Variants in ZNF385D observed in about 807,000 individuals in gnomAD.
The protein encoded by ZNF385D is zinc finger protein 659.
In ZNF385D, 15 loss-of-function variants were observed where a neutral mutation model predicts 35.8. The ratio of observed to expected loss-of-function variants is 0.42; its 90% CI spans 0.28 to 0.64. The LOEUF (loss-of-function observed/expected upper bound fraction) is 0.64. ZNF385D is among the 30% of genes least tolerant of loss of function. ZNF385D has a pLI of 0.23. For missense variants in ZNF385D, 474 were observed against 494.6 expected (o/e 0.96, Z 0.39); for synonymous variants, 212 against 186.8 (o/e 1.13, Z -1.10).
chr3:22,337,303 G>T (rs561857815), intron 2 of ZNF385D, among the ~76,000 whole-genome samples: 3 of 152,116 alleles, frequency 2.0e-5, no homozygotes, highest in Non-Finnish European at 4.4e-5. Flanking sequence ...AGGTCGAGGT[G>T]GGGGCAGCTC....
intron 3 of ZNF385D, among the ~76,000 whole-genome samples, chr3:22,060,428 T>C (rs779163): frequency 0.42 from 63,345 of 152,022 alleles, 13,376 homozygotes; most frequent in African/African-American, 0.48. Flanking sequence ...TTTCCATAAT[T>C]AAATGAATAA....
chr3:21,790,962 C>G, intron 3 of ZNF385D, among the ~76,000 whole-genome samples: 1 of 151,822 alleles, frequency 6.6e-6, no homozygotes, highest in East Asian at 1.9e-4. Flanking sequence ...GGTAAGGAAA[C>G]AAAAAAACAG....
chr3:21,566,880 C>A (rs1270744577), intron 2 of ZNF385D, among the ~76,000 whole-genome samples: 6 of 152,134 alleles, frequency 3.9e-5, no homozygotes, highest in African/African-American at 1.4e-4. Context: ...AACCACTGGC[C>A]TGCTTTCTAT....
At chr3:21,733,888 C>T (rs1327250218) in intron 1 of ZNF385D, among the ~76,000 whole-genome samples, 5 of 152,096 alleles carry the variant, frequency 3.3e-5, no homozygotes, top group Non-Finnish European at 7.4e-5. Context: ...TAGCCTAAAT[C>T]CCCATATATA....
chr3:22,084,578 G>T (rs146355992), intron 3 of ZNF385D, among the ~76,000 whole-genome samples: 119 of 152,260 alleles, frequency 7.8e-4, no homozygotes, highest in African/African-American at 2.8e-3. Context: ...ATTCATAAAA[G>T]CAAGTCCCTA....
At chr3:22,194,902 G>A (rs915418022) in intron 2 of ZNF385D, among the ~76,000 whole-genome samples, 10 of 151,836 alleles carry the variant, frequency 6.6e-5, no homozygotes, top group Admixed American at 2.0e-4. Flanking sequence ...CCCCTTGAAG[G>A]ACACTAGCGT....
intron 2 of ZNF385D, among the ~76,000 whole-genome samples, chr3:21,610,593 A>T (rs1216943290): frequency 6.6e-6 from 1 of 151,762 alleles, no homozygotes; most frequent in African/African-American, 2.4e-5. Context: ...ACACGGTGAA[A>T]CCCCATCTCT....
intron 2 of ZNF385D, among the ~76,000 whole-genome samples, chr3:21,578,206 C>T (rs771177591): frequency 6.6e-6 from 1 of 152,038 alleles, no homozygotes. Context: ...TCTTTGAATT[C>T]TTTGTATATT....
At chr3:22,328,002 C>T (rs780668657) in intron 2 of ZNF385D, among the ~76,000 whole-genome samples, 3 of 152,146 alleles carry the variant, frequency 2.0e-5, no homozygotes, top group Non-Finnish European at 4.4e-5. Context: ...TCTAAATATA[C>T]ACATTATTTT....
chr3:21,584,117 G>GCA (rs1156481589), intron 2 of ZNF385D, among the ~76,000 whole-genome samples: 2 of 151,922 alleles, frequency 1.3e-5, no homozygotes, highest in Non-Finnish European at 2.9e-5. Context: ...GGGATTTCAA[G>GCA]CACACACCAC....
chr3:21,731,777 G>C (rs1248326891), intron 1 of ZNF385D, among the ~76,000 whole-genome samples: 1 of 152,072 alleles, frequency 6.6e-6, no homozygotes, highest in Non-Finnish European at 1.5e-5. Flanking sequence ...TGTCATTCAA[G>C]GGTCAAATGT....
chr3:21,426,304 G>C (rs1701023539), intron 5 of ZNF385D, among the ~76,000 whole-genome samples: 1 of 152,096 alleles, frequency 6.6e-6, no homozygotes, highest in Admixed American at 6.6e-5. Context: ...GTAAACAAAT[G>C]ACCAAGAAGA....
rs558413676 is a variant in ZNF385D, at chr3:22,275,121, C to T, written c.106+97329G>A. 2.0e-5 allele frequency among the ~76,000 whole-genome samples: 3 copies of T among 152,192 alleles called. No individual in the cohort carries two copies. The South Asian group carries it at 6.2e-4, about 32-fold the overall frequency. The stretch of plus-strand genomic sequence containing the variant: ...AGTGGTAACACAGTAAAGATAAATG[C>T]TTCAACTATGTTAGGAAGAGCCTAC... On this transcript the variant is annotated intron_variant, in intron 2 of 5. Coordinates refer to the ZNF385D transcript ENST00000494108.
chr3:22,319,171 G>C (rs1411940186), intron 2 of ZNF385D, among the ~76,000 whole-genome samples: 1 of 152,012 alleles, frequency 6.6e-6, no homozygotes, highest in East Asian at 1.9e-4. Context: ...GCACATGGGG[G>C]AAAAATGCCA....
intron 3 of ZNF385D, among the ~76,000 whole-genome samples, chr3:21,965,528 C>T (rs946187575): frequency 6.6e-5 from 10 of 152,050 alleles, no homozygotes; most frequent in African/African-American, 2.4e-4. Flanking sequence ...TCACAGATGT[C>T]CAAACAAGAA....
At chr3:21,864,667 A>C (rs996645736) in intron 3 of ZNF385D, among the ~76,000 whole-genome samples, 1 of 152,124 alleles carries the variant, frequency 6.6e-6, no homozygotes, top group Non-Finnish European at 1.5e-5. Flanking sequence ...TACTATTGTT[A>C]TAACTCTAAA....
intron 2 of ZNF385D, among the ~76,000 whole-genome samples, chr3:21,574,427 G>C (rs1207252567): frequency 1.3e-5 from 2 of 152,090 alleles, no homozygotes; most frequent in Non-Finnish European, 2.9e-5. Context: ...CAGAGACATA[G>C]CAGCCACTTC....
chr3:21,903,804 G>A (rs955408802), intron 3 of ZNF385D, among the ~76,000 whole-genome samples: 1 of 152,132 alleles, frequency 6.6e-6, no homozygotes, highest in Non-Finnish European at 1.5e-5. Context: ...ACTTTGTGCA[G>A]TCATGAGCAG....
At chr3:22,304,733 T>C (rs1285089235) in intron 2 of ZNF385D, among the ~76,000 whole-genome samples, 1 of 152,130 alleles carries the variant, frequency 6.6e-6, no homozygotes, top group African/African-American at 2.4e-5. Flanking sequence ...TTTTGTTGCT[T>C]ATGTTGAATA....
Sources: gnomAD v4.1 joint callset for allele counts (sites outside exome capture counted in the v4.1 genomes callset) on GRCh38, gnomAD v4.1.1 for gene constraint, MANE v1.5 for transcripts, NCBI Gene and HGNC (gene_info 2026-07-23, HGNC 2026-07-21) for gene names.